SORCS1: variants seen among roughly 807,000 people sequenced by gnomAD.
SORCS1 encodes VPS10 domain-containing receptor SorCS1.
A neutral mutation model predicts 146.1 loss-of-function variants in SORCS1; 60 were observed. That is an observed-to-expected ratio of 0.41 (90% CI 0.33 to 0.51). SORCS1 has a LOEUF of 0.51. Among genes scored for constraint, SORCS1 ranks in the 20% least tolerant of loss-of-function variants. SORCS1 has a pLI of 0.21. For missense variants in SORCS1, 1,352 were observed against 1,487.6 expected, an observed-to-expected ratio of 0.91 and a Z score of 1.50; for synonymous variants, 637 against 584.0, an observed-to-expected ratio of 1.09 and a Z score of -1.31.
chr10:106,801,135 T>C (rs1400488106), intron 3 of SORCS1, among the ~76,000 whole-genome samples: 2 of 152,196 alleles, frequency 1.3e-5, no homozygotes, highest in East Asian at 3.9e-4. Context: ...CTTAATTTTA[T>C]AATATGTATT....
intron 2 of SORCS1, among the ~76,000 whole-genome samples, chr10:106,934,320 C>A (rs1444601348): frequency 6.6e-6 from 1 of 151,714 alleles, no homozygotes; most frequent in Non-Finnish European, 1.5e-5. Context: ...TGCAGTGGTG[C>A]GATCTCAGAT....
the SORCS1 span, among the ~76,000 whole-genome samples, chr10:107,179,737 T>C: frequency 1.3e-5 from 2 of 152,142 alleles, 1 homozygote; most frequent in South Asian, 4.1e-4. Context: ...TCTTCATGTC[T>C]CTTGCCCATG....
intron 1 of SORCS1, among the ~76,000 whole-genome samples, chr10:107,063,634 T>G (rs1031109120): frequency 3.3e-5 from 5 of 152,208 alleles, no homozygotes; most frequent in African/African-American, 9.7e-5. Flanking sequence ...AAAAACAAAT[T>G]CTCACTGACT....
intron 1 of SORCS1, among the ~76,000 whole-genome samples, chr10:107,106,735 A>C (rs981597647): frequency 6.6e-6 from 1 of 152,130 alleles, no homozygotes; most frequent in African/African-American, 2.4e-5. Context: ...CCAAATTCAT[A>C]TGTTTAAACC....
chr10:107,075,085 T>C (rs545185222), intron 1 of SORCS1, among the ~76,000 whole-genome samples: 2 of 152,226 alleles, frequency 1.3e-5, no homozygotes, highest in South Asian at 4.1e-4. Flanking sequence ...TACATTTGCA[T>C]GGAAAAAAAC....
chr10:106,985,489 T>C (rs1328948697), intron 1 of SORCS1, among the ~76,000 whole-genome samples: 1 of 151,766 alleles, frequency 6.6e-6, no homozygotes, highest in African/African-American at 2.4e-5. Context: ...GTGTCAGCTA[T>C]GTTCAAGACA....
At chr10:106,948,262 A>T (rs2138857315) in intron 2 of SORCS1, among the ~76,000 whole-genome samples, 1 of 148,304 alleles carries the variant, frequency 6.7e-6, no homozygotes, top group African/African-American at 2.5e-5. Flanking sequence ...TCTAGGTGGT[A>T]TGTAAGAAAC....
Position 106,591,507 on chromosome 10 carries a change from G to A in SORCS1, c.3265+5844C>T, listed in dbSNP as rs371456069. On this transcript the variant is annotated intron_variant, in intron 24 of 25. Coordinates refer to ENST00000263054, the MANE Select transcript of SORCS1 (RefSeq NM_052918.5). ...TAAACTGGATCTGAAGGTTAACTGCGGGAATGGGATTTTGAATATATCTCT... is the reference window on the plus strand; with the variant it reads ...TAAACTGGATCTGAAGGTTAACTGCAGGAATGGGATTTTGAATATATCTCT... Among the ~76,000 whole-genome samples the A allele has an allele frequency of 5.9e-4, 90 of 152,260 alleles. 1 individual carries two copies. The highest frequency in any genetic ancestry group is 1.5e-3 in the East Asian group (8 of 5,188).
chr10:106,972,533 C>CTT (rs531136280), intron 1 of SORCS1, among the ~76,000 whole-genome samples: 1,878 of 146,190 alleles, frequency 0.013, 40 homozygotes, highest in African/African-American at 0.044. Context: ...TACCTTTCTT[C>CTT]TTTTTTTTTT....
At chr10:107,170,134 A>G in the SORCS1 span, among the ~76,000 whole-genome samples, 4 of 152,190 alleles carry the variant, frequency 2.6e-5, no homozygotes, top group African/African-American at 9.7e-5. Flanking sequence ...TAACTTTATT[A>G]TAGTCTTAAA....
At chr10:106,620,245 G>A (rs1847647679) in intron 20 of SORCS1, 183 bp downstream of exon 20, 9 of 624,286 alleles carry the variant, frequency 1.4e-5, no homozygotes, top group Non-Finnish European at 2.3e-5. Flanking sequence ...GGTGGAGAGG[G>A]GCCAGAGAGA....
intron 1 of SORCS1, among the ~76,000 whole-genome samples, chr10:107,110,089 C>A (rs923143572): frequency 6.6e-6 from 1 of 152,162 alleles, no homozygotes; most frequent in East Asian, 1.9e-4. Flanking sequence ...CTTCACTGTC[C>A]ATATCACTAA....
chr10:107,066,442 A>T (rs1390470072), intron 1 of SORCS1, among the ~76,000 whole-genome samples: 1 of 152,190 alleles, frequency 6.6e-6, no homozygotes, highest in African/African-American at 2.4e-5. Context: ...GAAATCTAGA[A>T]ATATTACTTA....
rs1161174866 is a variant in SORCS1 at position 106,989,271 on chromosome 10, GAAAAAAAA to G, written c.559-32699_559-32692del. Among the ~76,000 whole-genome samples the G allele has an allele frequency of 1.2e-3, 90 of 75,674 alleles. 7 individuals carry two copies. Among genetic ancestry groups the G allele is most frequent in the South Asian group, 1.3e-3 (3 of 2,272 alleles). The allele number at this position is 75,674 out of a possible 152,430, so 49.6% of individuals were successfully genotyped here. On this transcript the variant is annotated intron_variant, in intron 1 of 25. Transcript: ENST00000263054. ...GGTGTCAGTGAAAGGCTCCACCTCA[GAAAAAAAA>G]AAAAAAAAAAAAAAAAAAGAATACT...
intron 10 of SORCS1, among the ~76,000 whole-genome samples, chr10:106,681,137 C>G (rs1852405953): frequency 6.6e-6 from 1 of 152,168 alleles, no homozygotes; most frequent in East Asian, 1.9e-4. Flanking sequence ...GGCCTAGACT[C>G]TTGGCTTTTA....
chr10:106,823,469 A>G (rs570437537), intron 3 of SORCS1, among the ~76,000 whole-genome samples: 5 of 152,372 alleles, frequency 3.3e-5, no homozygotes, highest in African/African-American at 1.2e-4. Context: ...GATTTCACAG[A>G]GCATTTCATT....
intron 1 of SORCS1, among the ~76,000 whole-genome samples, chr10:107,074,808 A>AT (rs893314977): frequency 2.6e-5 from 4 of 151,644 alleles, no homozygotes; most frequent in African/African-American, 7.3e-5. Flanking sequence ...GATGTGCAGC[A>AT]TTTTTTTTCA....
At chr10:106,709,534 C>T (rs927169328) in intron 6 of SORCS1, among the ~76,000 whole-genome samples, 193 bp from the exon 7 acceptor site, 9 of 150,576 alleles carry the variant, frequency 6.0e-5, no homozygotes, top group African/African-American at 7.3e-5. Context: ...CTGCAAGCTC[C>T]GCCTCCCGGG....
At chr10:107,127,093 T>C (rs566982884) in intron 1 of SORCS1, among the ~76,000 whole-genome samples, 1 of 151,656 alleles carries the variant, frequency 6.6e-6, no homozygotes, top group African/African-American at 2.4e-5. Flanking sequence ...GGCAGGCTGA[T>C]TATTCAAAGA....
Sources: allele counts gnomAD v4.1 joint callset (sites outside exome capture counted in the v4.1 genomes callset), GRCh38; gene constraint gnomAD v4.1.1; transcripts MANE v1.5; gene names NCBI Gene and HGNC (gene_info 2026-07-23, HGNC 2026-07-21).